Variants in ACOT11 observed in about 807,000 individuals in gnomAD.
ACOT11 encodes the protein acyl-coenzyme A thioesterase 11.
ACOT11 carries 69 observed loss-of-function variants against 77.5 expected under a neutral mutation model. The ratio of observed to expected loss-of-function variants is 0.89; its 90% CI spans 0.73 to 1.09. The LOEUF (loss-of-function observed/expected upper bound fraction) is 1.09. ACOT11 is among the 50% of genes least tolerant of loss of function. ACOT11 has a pLI of 0.00. For synonymous variants in ACOT11, 279 were observed against 313.0 expected (o/e 0.89, Z 1.15); for missense variants, 766 against 813.7 (o/e 0.94, Z 0.71).
intron 15 of ACOT11, among the ~76,000 whole-genome samples, chr1:54,620,293 C>A (rs79520321): frequency 0.012 from 1,893 of 152,304 alleles, 28 homozygotes; most frequent in East Asian, 0.022. Context: ...ATTTCACAGA[C>A]AAGGGAGAAT....
chr1:54,614,654 A>G, downstream of ACOT11: 2 of 1,568,488 alleles, frequency 1.3e-6, no homozygotes, highest in Non-Finnish European at 1.7e-6. Context: ...GTAGGTGTTG[A>G]CAGAAGAGGG....
intron 1 of ACOT11, among the ~76,000 whole-genome samples, chr1:54,582,710 G>A (rs1325550114): frequency 2.0e-5 from 3 of 152,180 alleles, no homozygotes; most frequent in African/African-American, 4.8e-5. Context: ...GTCCTCGTGA[G>A]GGCTCAGAGA....
intron 1 of ACOT11, among the ~76,000 whole-genome samples, chr1:54,561,989 C>T (rs1382296355): frequency 1.7e-3 from 108 of 63,956 alleles, no homozygotes; most frequent in Middle Eastern, 0.013. Context: ...TAGGGGCGGC[C>T]GGGCAGAGGC....
At chr1:54,622,937 G>A (rs1164331399) in intron 15 of ACOT11, among the ~76,000 whole-genome samples, 1 of 152,078 alleles carries the variant, frequency 6.6e-6, no homozygotes, top group Non-Finnish European at 1.5e-5. Flanking sequence ...CACTTTGAGA[G>A]GCTGAGGCAG....
intron 1 of ACOT11, among the ~76,000 whole-genome samples, chr1:54,554,290 AGTGTGTGT>A (rs67577349): frequency 0.017 from 1,828 of 108,384 alleles, 60 homozygotes; most frequent in African/African-American, 0.055. Context: ...AGTATTCCAT[AGTGTGTGT>A]GTGTGTGTGT....
chr1:54,601,534 G>A (rs945785436), intron 9 of ACOT11, 121 bp downstream of exon 9: 144 of 1,415,966 alleles, frequency 1.0e-4, no homozygotes, highest in South Asian at 3.2e-4. Flanking sequence ...CCCTACCCCC[G>A]TGCTGGGGCA....
chr1:54,594,228 C>T (rs1166859786), intron 5 of ACOT11, among the ~76,000 whole-genome samples, 189 bp downstream of exon 5: 2 of 152,206 alleles, frequency 1.3e-5, no homozygotes, highest in Non-Finnish European at 2.9e-5. Flanking sequence ...CTCTCCCCTC[C>T]TTTCCCCACC....
Position 54,609,086 on chromosome 1 carries a change from C to T in ACOT11, c.1759C>T (p.Leu587=). 11 of 1,614,156 alleles carry T rather than the reference C, an allele frequency of 6.8e-6. No homozygotes were observed. The highest frequency in any genetic ancestry group is 1.3e-5 in the African/African-American group (1 of 75,042). The change falls in exon 16 of 16, where the codon CTG becomes TTG. Residue 587 remains leucine (L), a synonymous_variant. Transcript: ENST00000343744. ...GTTTCTCTTGGACAACCGGAATGAT[C>T]TGGCCCCCAGCCTCCAGACCCTCTA... ...EQFLLDNRND[L]APSLQTL
chr1:54,606,008 C>T (rs1644020711), intron 13 of ACOT11, among the ~76,000 whole-genome samples: 1 of 152,218 alleles, frequency 6.6e-6, no homozygotes, highest in South Asian at 2.1e-4. Flanking sequence ...CCGCTGGTCA[C>T]TTGGTGAATT....
downstream of ACOT11, chr1:54,611,841 G>T: frequency 2.0e-6 from 3 of 1,466,550 alleles, no homozygotes; most frequent in Non-Finnish European, 2.8e-6. Context: ...TGGGCGCAGG[G>T]TAGAGCATCT....
chr1:54,604,299 C>G, intron 11 of ACOT11, 47 bp from the exon 12 acceptor site: 1 of 1,586,610 alleles, frequency 6.3e-7, no homozygotes, highest in Non-Finnish European at 8.6e-7. Context: ...CTCAGGGGCC[C>G]TGAAGGAAGG....
intron 1 of ACOT11, among the ~76,000 whole-genome samples, chr1:54,563,988 C>T (rs1390442831): frequency 6.6e-6 from 1 of 151,968 alleles, no homozygotes; most frequent in Non-Finnish European, 1.5e-5. Context: ...ATCGCTTGAA[C>T]CCAGAAGGCG....
At chr1:54,563,084 G>A (rs561721677) in intron 1 of ACOT11, among the ~76,000 whole-genome samples, 231 of 151,950 alleles carry the variant, frequency 1.5e-3, no homozygotes, top group African/African-American at 5.3e-3. Flanking sequence ...GGCCCTGCGG[G>A]GCCCGTCCGC....
chr1:54,568,440 C>CT (rs150151315), intron 1 of ACOT11, among the ~76,000 whole-genome samples: 7,661 of 144,492 alleles, frequency 0.053, 662 homozygotes, highest in African/African-American at 0.18. Context: ...CCTCGGCTCA[C>CT]TGCAACCTCC....
chr1:54,603,978 C>T (rs41297133), intron 11 of ACOT11, 41 bp downstream of exon 11: 49,203 of 1,587,570 alleles, frequency 0.031, 1,516 homozygotes, highest in Admixed American at 0.16. Context: ...TCAGACCCAC[C>T]GGGCCCCCAC....
intron 11 of ACOT11, 113 bp from the exon 12 acceptor site, chr1:54,604,222 GCACCACCCACC>G: frequency 2.3e-6 from 2 of 858,108 alleles, no homozygotes; most frequent in Non-Finnish European, 3.7e-6. Flanking sequence ...AGCACCTGCC[GCACCACCCACC>G]CACCGCCCAA....
At chr1:54,583,692 A>AAATTT (rs202029224) in intron 1 of ACOT11, among the ~76,000 whole-genome samples, 22,867 of 152,018 alleles carry the variant, frequency 0.15, 3,124 homozygotes, top group African/African-American at 0.37. Context: ...TGGGAGGATA[A>AAATTT]AATTGGATTA....
chr1:54,551,744 T>G (rs1653077989), intron 1 of ACOT11, among the ~76,000 whole-genome samples: 1 of 150,064 alleles, frequency 6.7e-6, no homozygotes, highest in African/African-American at 2.5e-5. Flanking sequence ...TTTGTTTTTG[T>G]TTTTGTTTTT....
chr1:54,579,225 T>C (rs1194118733), intron 1 of ACOT11, among the ~76,000 whole-genome samples: 1 of 146,762 alleles, frequency 6.8e-6, no homozygotes, highest in East Asian at 2.0e-4. Context: ...TGCCCACCAC[T>C]ACTACCCTTT....
Sources: gnomAD v4.1 joint callset for allele counts (sites outside exome capture counted in the v4.1 genomes callset) on GRCh38, gnomAD v4.1.1 for gene constraint, MANE v1.5 for transcripts, NCBI Gene and HGNC (gene_info 2026-07-23, HGNC 2026-07-21) for gene names.